Variants in EYS observed in about 807,000 individuals in gnomAD.
EYS encodes the protein protein eyes shut homolog.
Under a neutral mutation model 282.1 loss-of-function variants are expected in EYS, and 250 were observed. The ratio of observed to expected loss-of-function variants is 0.89; its 90% confidence interval spans 0.80 to 0.98. The LOEUF is 0.98. EYS is among the 50% of genes least tolerant of loss of function. EYS has a pLI of 0.00. For synonymous variants in EYS, 1,355 were observed against 1,282.9 expected, an observed-to-expected ratio of 1.06 and a Z score of -1.20; for missense variants, 4,016 against 3,709.0, an observed-to-expected ratio of 1.08 and a Z score of -2.15.
chr6:64,139,120 A>C (rs954198973), intron 31 of EYS, among the ~76,000 whole-genome samples: 1 of 152,186 alleles, frequency 6.6e-6, no homozygotes, highest in Non-Finnish European at 1.5e-5. Context: ...AAAGAAAAGA[A>C]TTTGAGAAGG....
At chr6:64,802,581 T>C (rs1437052918) in intron 22 of EYS, among the ~76,000 whole-genome samples, 1 of 152,316 alleles carries the variant, frequency 6.6e-6, no homozygotes, top group Non-Finnish European at 1.5e-5. Context: ...AAATTGATAC[T>C]TCTTCATTCA....
intron 14 of EYS, among the ~76,000 whole-genome samples, chr6:64,963,229 G>A (rs1769982685): frequency 6.6e-6 from 1 of 152,000 alleles, no homozygotes; most frequent in East Asian, 1.9e-4. Flanking sequence ...CAATACTTTT[G>A]CAAATAGCAA....
intron 29 of EYS, among the ~76,000 whole-genome samples, chr6:64,334,040 C>T (rs1246267363): frequency 6.6e-6 from 1 of 152,124 alleles, no homozygotes; most frequent in Non-Finnish European, 1.5e-5. Flanking sequence ...CCTGACAAGG[C>T]CTTTCAGAAC....
chr6:65,082,016 C>T (rs1774242681), intron 12 of EYS, among the ~76,000 whole-genome samples: 1 of 152,088 alleles, frequency 6.6e-6, no homozygotes, highest in Non-Finnish European at 1.5e-5. Context: ...CCAATTTCTA[C>T]TGATCTCTAA....
intron 1 of EYS, among the ~76,000 whole-genome samples, chr6:65,660,622 TACTCACACAAACAC>T (rs1767972372): frequency 6.6e-6 from 1 of 151,814 alleles, no homozygotes; most frequent in African/African-American, 2.4e-5. Flanking sequence ...AATATATGTA[TACTCACACAAACAC>T]ACTCACACGC....
chr6:64,243,333 A>C (rs974318982), intron 30 of EYS, among the ~76,000 whole-genome samples: 3 of 152,158 alleles, frequency 2.0e-5, no homozygotes, highest in Non-Finnish European at 1.5e-5. Flanking sequence ...CCCAAATCTC[A>C]GTGGCTTAAC....
intron 31 of EYS, among the ~76,000 whole-genome samples, chr6:64,153,439 TAAAG>T (rs1394145063): frequency 6.6e-6 from 1 of 152,158 alleles, no homozygotes; most frequent in African/African-American, 2.4e-5. Context: ...TCTTATTAAC[TAAAG>T]AGTCACTCTG....
At chr6:65,357,043 G>T (rs9294638) in intron 8 of EYS, among the ~76,000 whole-genome samples, 136,759 of 151,882 alleles carry the variant, frequency 0.9, 61,889 homozygotes, top group Non-Finnish European at 0.95. Flanking sequence ...AATGGCCTTT[G>T]GGAGGAATTA....
intron 40 of EYS, among the ~76,000 whole-genome samples, chr6:63,768,506 C>G (rs910527202): frequency 5.9e-5 from 9 of 151,922 alleles, no homozygotes; most frequent in Admixed American, 5.9e-4. Context: ...TAGAGAAATG[C>G]AAATCAAAAC....
chr6:65,362,760 G>A (rs886891260), intron 8 of EYS, among the ~76,000 whole-genome samples: 5 of 151,738 alleles, frequency 3.3e-5, no homozygotes, highest in Admixed American at 3.3e-4. Context: ...TATCACTGTA[G>A]ACAAAGTGTA....
intron 18 of EYS, among the ~76,000 whole-genome samples, chr6:64,895,571 A>G (rs1025739062): frequency 2.6e-5 from 4 of 152,162 alleles, no homozygotes; most frequent in African/African-American, 9.7e-5. Context: ...GGAAGTAATT[A>G]AGATGTATGA....
chr6:64,468,734 T>G (rs1368783908), intron 26 of EYS, among the ~76,000 whole-genome samples: 2 of 152,218 alleles, frequency 1.3e-5, no homozygotes, highest in Non-Finnish European at 2.9e-5. Context: ...TAGCTCCCAC[T>G]TACAAGTGAG....
At chr6:63,735,423 A>AGC (rs1160674262) in intron 41 of EYS, among the ~76,000 whole-genome samples, 1 of 151,588 alleles carries the variant, frequency 6.6e-6, no homozygotes, top group African/African-American at 2.4e-5. Context: ...TTCCTATTTT[A>AGC]TTGCATTTTC....
intron 12 of EYS, among the ~76,000 whole-genome samples, chr6:65,278,060 T>TTCTTTTCTTTTCTTTTCTTTTC (rs139764079): frequency 2.1e-5 from 3 of 142,806 alleles, no homozygotes; most frequent in African/African-American, 5.2e-5. Context: ...TTCTTTTCTT[T>TTCTTTTCTTTTCTTTTCTTTTC]TTTTCTGCCT....
chr6:64,626,652 T>C (rs145160127), intron 22 of EYS, among the ~76,000 whole-genome samples: 1 of 152,284 alleles, frequency 6.6e-6, no homozygotes, highest in Non-Finnish European at 1.5e-5. Flanking sequence ...CCAGAGCCTC[T>C]AGAAGCTGGA....
intron 36 of EYS, among the ~76,000 whole-genome samples, chr6:63,846,970 G>A (rs1772114360): frequency 6.6e-6 from 1 of 151,984 alleles, no homozygotes; most frequent in Non-Finnish European, 1.5e-5. Context: ...TGTGAAGCCT[G>A]GTTTTTAGGA....
chr6:64,169,645 G>A (rs1208947427), intron 31 of EYS, among the ~76,000 whole-genome samples: 1 of 152,012 alleles, frequency 6.6e-6, no homozygotes, highest in African/African-American at 2.4e-5. Flanking sequence ...ACTTCTCATG[G>A]CAAAAGCCAG....
At chr6:65,173,272 T>C (rs1424464608) in intron 12 of EYS, among the ~76,000 whole-genome samples, 1 of 151,322 alleles carries the variant, frequency 6.6e-6, no homozygotes, top group Admixed American at 6.6e-5. Flanking sequence ...TTCCCGAAAA[T>C]GATGATGGTT....
intron 41 of EYS, among the ~76,000 whole-genome samples, chr6:63,742,726 A>T (rs1769107868): frequency 6.6e-6 from 1 of 152,060 alleles, no homozygotes; most frequent in Non-Finnish European, 1.5e-5. Flanking sequence ...CTCTTGGCAT[A>T]CTCTATCTGG....
Sources: gnomAD v4.1 joint callset for allele counts (sites outside exome capture counted in the v4.1 genomes callset) on GRCh38, gnomAD v4.1.1 for gene constraint, MANE v1.5 for transcripts, NCBI Gene and HGNC (gene_info 2026-07-23, HGNC 2026-07-21) for gene names.